Variants in ATR observed in about 807,000 individuals in gnomAD.
ATR encodes serine/threonine-protein kinase ATR.
ATR carries 142 observed loss-of-function variants against 305.3 expected under a neutral mutation model. That is an observed-to-expected ratio of 0.47 (90% CI 0.41 to 0.53). The LOEUF is 0.53. ATR is among the 20% of genes least tolerant of loss of function. The probability of loss-of-function intolerance (pLI) is 0.00; values close to 1 mark genes in which losing one functional copy is unlikely to be tolerated. For synonymous variants in ATR, 1,050 were observed against 1,068.1 expected (o/e 0.98, Z 0.33); for missense variants, 2,135 against 3,133.1 (o/e 0.68, Z 7.60).
intron 42 of ATR, 109 bp from the exon 43 acceptor site, chr3:142,459,492 T>C (rs1440679665): frequency 1.2e-5 from 15 of 1,270,322 alleles, no homozygotes; most frequent in Middle Eastern, 1.9e-4. Flanking sequence ...CAAATTGTTA[T>C]TGAAAAACAA....
chr3:142,468,115 A>AT (rs1292619657), intron 38 of ATR, 47 bp from the exon 39 acceptor site: 1 of 1,596,474 alleles, frequency 6.3e-7, no homozygotes, highest in East Asian at 2.2e-5. Flanking sequence ...TTTATACAGG[A>AT]TTTTTAAAAG....
Position 142,451,020 on chromosome 3 carries a change from TA to T in ATR, c.7762-1419del, listed in dbSNP as rs2070777079. On this transcript the variant is annotated intron_variant, in intron 46 of 46. Transcript: ENST00000350721. ...GTGAACTACACCATCAATTCCGTCT[TA>T]AGAGACACCAGTGAATATGAATCAT... 7.9e-6 allele frequency: 10 copies of T among 1,261,126 alleles called. No homozygotes were observed. The South Asian group carries it at 1.5e-4, about 18-fold the overall frequency. The allele number at this position is 1,261,126 out of a possible 1,614,324, so 78.1% of individuals were successfully genotyped here. A position where few individuals can be genotyped will look rare whatever the true frequency, so the allele number is the denominator to read the frequency against.
intron 46 of ATR, 172 bp from the exon 47 acceptor site, chr3:142,449,774 A>T: frequency 1.4e-6 from 1 of 708,574 alleles, no homozygotes; most frequent in Admixed American, 2.5e-5. Flanking sequence ...AGCTTGTGAT[A>T]CTGATTTGGA....
intron 17 of ATR, among the ~76,000 whole-genome samples, chr3:142,541,987 A>G (rs772133921): frequency 5.9e-5 from 9 of 152,204 alleles, no homozygotes; most frequent in Non-Finnish European, 1.2e-4. Flanking sequence ...AAGCAACAGA[A>G]AGAGAAATTT....
intron 3 of ATR, 133 bp from the exon 4 acceptor site, chr3:142,563,242 G>T: frequency 2.1e-6 from 2 of 931,802 alleles, no homozygotes; most frequent in Admixed American, 6.0e-5. Context: ...TCTTCACAAT[G>T]GAAACATAAT....
intron 10 of ATR, among the ~76,000 whole-genome samples, chr3:142,554,735 C>T (rs887515571): frequency 6.6e-6 from 1 of 151,866 alleles, no homozygotes; most frequent in Non-Finnish European, 1.5e-5. Context: ...CCAGCCTGGG[C>T]AACAAAGTGA....
At chr3:142,504,798 C>A (rs370285560) in intron 29 of ATR, among the ~76,000 whole-genome samples, 11 of 152,290 alleles carry the variant, frequency 7.2e-5, no homozygotes, top group African/African-American at 2.6e-4. Context: ...AGTAAAGTCT[C>A]TAATTTTATC....
rs1191100552 is a variant in ATR, at chr3:142,528,854, C to CATATATATATATATAT, written c.3946-4671_3946-4656dup. 7.5e-4 allele frequency among the ~76,000 whole-genome samples: 49 copies of CATATATATATATATAT among 65,700 alleles called. 1 individual carries two copies. Among genetic ancestry groups the CATATATATATATATAT allele is most frequent in the African/African-American group, 2.7e-3 (27 of 9,846 alleles). The allele number at this position is 65,700 out of a possible 152,430, so 43.1% of individuals were successfully genotyped here. ...GTTTATACTTTTGTTCTGGAATTAT[C>CATATATATATATATAT]ATATATATATATATATATATATATA... On this transcript the variant is annotated intron_variant, in intron 21 of 46. Transcript: ENST00000350721.
At chr3:142,570,516 A>G (rs1287998247) in intron 1 of ATR, among the ~76,000 whole-genome samples, 1 of 152,150 alleles carries the variant, frequency 6.6e-6, no homozygotes, top group Non-Finnish European at 1.5e-5. Context: ...CCTCCTGAGT[A>G]GCTGCGATTA....
At chr3:142,507,666 C>A (rs1346715104) in intron 28 of ATR, among the ~76,000 whole-genome samples, 1 of 152,146 alleles carries the variant, frequency 6.6e-6, no homozygotes, top group Non-Finnish European at 1.5e-5. Flanking sequence ...TTTTAAGACA[C>A]CATCTCCAAG....
chr3:142,474,799 T>G (rs1320656201), intron 36 of ATR, among the ~76,000 whole-genome samples: 1 of 152,200 alleles, frequency 6.6e-6, no homozygotes, highest in Non-Finnish European at 1.5e-5. Flanking sequence ...ATCTTTGTCT[T>G]AATCTTAGAG....
At chr3:142,517,514 A>G (rs2032919310) in intron 24 of ATR, among the ~76,000 whole-genome samples, 1 of 152,196 alleles carries the variant, frequency 6.6e-6, no homozygotes, top group Non-Finnish European at 1.5e-5. Flanking sequence ...AGTTTTTCAT[A>G]CAAAAGGGAA....
intron 44 of ATR, 58 bp downstream of exon 44, chr3:142,458,900 G>A (rs1373821653): frequency 3.2e-6 from 5 of 1,569,258 alleles, no homozygotes; most frequent in East Asian, 4.5e-5. Flanking sequence ...AGATACAGTT[G>A]TTGAGAAAAG....
In ATR at chr3:142,496,965, A is replaced by G. The variant is rs2031683028; in HGVS notation, c.5738+48T>C. On this transcript the variant is annotated intron_variant, in intron 33 of 46. Transcript: ENST00000350721. The stretch of plus-strand genomic sequence containing the variant: ...AAACACCCCCAAATAATATCCAAAT[A>G]CCAAATTCAAGATAAGTGACATTTT... 1.9e-6 allele frequency: 3 copies of G among 1,559,614 alleles called. No homozygotes were observed. In the African/African-American group the frequency reaches 4.1e-5, roughly 21 times the overall value.
At chr3:142,459,463 AG>A in intron 42 of ATR, 80 bp from the exon 43 acceptor site, 2 of 1,455,620 alleles carry the variant, frequency 1.4e-6, no homozygotes, top group Non-Finnish European at 1.9e-6. Context: ...AAATTGGACA[AG>A]AAACATCTAC....
At position 142,459,902 on chromosome 3, in the gene ATR, CAAA is replaced by C. The variant is rs1471239634; in HGVS notation, c.7193-522_7193-520del. Reference sequence around the variant, plus strand: ...TCAAATAGTTCCAGAATACAAGACTCAAAATTAAGTCCCATATGAATGAACTTA... The same window carrying C: ...TCAAATAGTTCCAGAATACAAGACTCATTAAGTCCCATATGAATGAACTTA... On this transcript the variant is annotated intron_variant, in intron 42 of 46. Transcript: ENST00000350721. Among the ~76,000 whole-genome samples the C allele has an allele frequency of 8.6e-5, 13 of 151,998 alleles. No individual in the cohort carries two copies. The East Asian group carries it at 2.5e-3, about 29-fold the overall frequency.
At chr3:142,551,548 A>C (rs1323811961) in intron 13 of ATR, among the ~76,000 whole-genome samples, 1 of 152,200 alleles carries the variant, frequency 6.6e-6, no homozygotes, top group East Asian at 1.9e-4. Context: ...ATCTTTAACA[A>C]ACCTGACAAA....
intron 16 of ATR, among the ~76,000 whole-genome samples, chr3:142,545,312 G>A (rs1347520203): frequency 1.3e-5 from 2 of 152,038 alleles, no homozygotes; most frequent in Non-Finnish European, 2.9e-5. Flanking sequence ...GTCGAGACAG[G>A]GTACTCAGGA....
At chr3:142,485,382 T>A (rs2030850157) in intron 35 of ATR, 100 bp from the exon 36 acceptor site, 5 of 1,408,234 alleles carry the variant, frequency 3.6e-6, no homozygotes, top group Non-Finnish European at 4.9e-6. Context: ...ATGTGACCTT[T>A]ATCTAGGCAG....
Sources: allele counts gnomAD v4.1 joint callset (sites outside exome capture counted in the v4.1 genomes callset), GRCh38; gene constraint gnomAD v4.1.1; transcripts MANE v1.5; gene names NCBI Gene and HGNC (gene_info 2026-07-23, HGNC 2026-07-21).